The following SCN9A variants were observed in gnomAD, a reference collection of about 807,000 sequenced individuals.
The protein encoded by SCN9A is sodium voltage-gated channel alpha subunit 9, also known as sodium channel protein type 9 subunit alpha.
In SCN9A, 131 loss-of-function variants were observed where a neutral mutation model predicts 187.0. The observed-to-expected ratio is 0.70, with a 90% CI of 0.61 to 0.81. The LOEUF is 0.81. Ranked by LOEUF, SCN9A falls within the 30% of genes least tolerant of loss-of-function variation. SCN9A has a pLI of 0.00. For missense variants in SCN9A, 2,252 were observed against 2,396.6 expected, an observed-to-expected ratio of 0.94 and a Z score of 1.26; for synonymous variants, 809 against 808.6, an observed-to-expected ratio of 1.00 and a Z score of -0.01.
chr2:166,371,512 C>T (rs1700563239), intron 1 of SCN9A, among the ~76,000 whole-genome samples: 1 of 152,118 alleles, frequency 6.6e-6, no homozygotes, highest in Admixed American at 6.6e-5. Context: ...TAAGTGATAC[C>T]TTCAATGAAG....
intron 17 of SCN9A, among the ~76,000 whole-genome samples, chr2:166,254,723 C>A (rs1229003906): frequency 2.6e-5 from 4 of 151,194 alleles, no homozygotes; most frequent in Non-Finnish European, 4.4e-5. Flanking sequence ...GAAATAAATG[C>A]TTTAGTATGA....
chr2:166,349,043 G>A (rs934099588), intron 1 of SCN9A, among the ~76,000 whole-genome samples: 1 of 84,594 alleles, frequency 1.2e-5, no homozygotes, highest in Middle Eastern at 5.6e-3. Flanking sequence ...CAGGAGAATC[G>A]CTTGAACCCA....
chr2:166,308,769 A>C (rs1231314634), intron 2 of SCN9A, among the ~76,000 whole-genome samples: 1 of 151,714 alleles, frequency 6.6e-6, no homozygotes, highest in Non-Finnish European at 1.5e-5. Context: ...AAAAATACAA[A>C]AACAAAATTA....
At chr2:166,253,414 T>C (rs1181408393) in intron 17 of SCN9A, among the ~76,000 whole-genome samples, 1 of 151,802 alleles carries the variant, frequency 6.6e-6, no homozygotes, top group Non-Finnish European at 1.5e-5. Flanking sequence ...TTTAAACTGA[T>C]TGAATTCATC....
intron 1 of SCN9A, among the ~76,000 whole-genome samples, chr2:166,342,704 TA>T (rs1699814738): frequency 1.3e-5 from 2 of 152,210 alleles, no homozygotes; most frequent in Admixed American, 1.3e-4. Context: ...CATATGCATT[TA>T]AAAATATACA....
At position 166,341,291 on chromosome 2, in the gene SCN9A, G is replaced by A. The variant is rs147939855; in HGVS notation, c.-50-29485C>T. Among the ~76,000 whole-genome samples the A allele has an allele frequency of 1.1e-4, 17 of 152,268 alleles. No homozygotes were observed. In the East Asian group the frequency reaches 1.5e-3, roughly 14 times the overall value. On this transcript the variant is annotated intron_variant, in intron 1 of 26. Transcript: ENST00000642356. Reference sequence around the variant, plus strand: ...TCACAGCTCTTTCACATATAGCAATGCTCTAAAATATAAACTGCAAAGATT... The same window carrying A: ...TCACAGCTCTTTCACATATAGCAATACTCTAAAATATAAACTGCAAAGATT...
At chr2:166,238,294 T>A (rs933902238) in intron 19 of SCN9A, 27 bp from the exon 20 acceptor site, 3 of 1,413,054 alleles carry the variant, frequency 2.1e-6, no homozygotes, top group Admixed American at 2.4e-5. Context: ...CAAGTTTCAA[T>A]CATGCACAAC....
chr2:166,296,844 G>T (rs2106510329), intron 7 of SCN9A, among the ~76,000 whole-genome samples: 1 of 152,200 alleles, frequency 6.6e-6, no homozygotes, highest in African/African-American at 2.4e-5. Context: ...AAAATTGAAT[G>T]CAAAGAAAAA....
intron 7 of SCN9A, chr2:166,301,725 T>C (rs1053480025): frequency 1.2e-4 from 18 of 150,676 alleles, no homozygotes; most frequent in Non-Finnish European, 7.4e-5. Flanking sequence ...AAGTTACTCA[T>C]CAGATATATT....
chr2:166,214,722 G>A (rs1206918216), intron 24 of SCN9A, among the ~76,000 whole-genome samples: 1 of 150,954 alleles, frequency 6.6e-6, no homozygotes, highest in Non-Finnish European at 1.5e-5. Context: ...CACCGTGTTA[G>A]CCAGGATGGT....
intron 1 of SCN9A, among the ~76,000 whole-genome samples, chr2:166,333,657 G>C (rs1441270121): frequency 6.6e-6 from 1 of 151,752 alleles, no homozygotes; most frequent in Non-Finnish European, 1.5e-5. Flanking sequence ...TATTTTTCAG[G>C]ATTAGATTGC....
At chr2:166,211,331 C>T (rs551340382) in intron 24 of SCN9A, among the ~76,000 whole-genome samples, 118 of 152,140 alleles carry the variant, frequency 7.8e-4, no homozygotes, top group African/African-American at 2.5e-3. Flanking sequence ...TAAAAACTTT[C>T]TCATACAAGC....
chr2:166,336,511 A>G (rs1186126032), intron 1 of SCN9A, among the ~76,000 whole-genome samples: 1 of 152,110 alleles, frequency 6.6e-6, no homozygotes, highest in Admixed American at 6.6e-5. Context: ...TAAAGTTCCT[A>G]TAGGAATGCC....
intron 24 of SCN9A, among the ~76,000 whole-genome samples, chr2:166,225,794 C>A (rs772081761): frequency 6.6e-6 from 1 of 152,058 alleles, no homozygotes; most frequent in Non-Finnish European, 1.5e-5. Flanking sequence ...TGGCATGTCA[C>A]TATAATGGGA....
At chr2:166,308,682 G>C (rs763480814) in intron 2 of SCN9A, among the ~76,000 whole-genome samples, 3 of 152,078 alleles carry the variant, frequency 2.0e-5, no homozygotes, top group Non-Finnish European at 2.9e-5. Context: ...CAGCACTTTG[G>C]GAGGCCAAGG....
intron 1 of SCN9A, among the ~76,000 whole-genome samples, chr2:166,336,759 T>C (rs1165786500): frequency 6.6e-6 from 1 of 152,106 alleles, no homozygotes; most frequent in Non-Finnish European, 1.5e-5. Context: ...CTGTTTTCAG[T>C]TGTAATCATT....
chr2:166,233,228 G>A, intron 21 of SCN9A, 112 bp downstream of exon 21: 1 of 673,408 alleles, frequency 1.5e-6, no homozygotes, highest in Non-Finnish European at 2.3e-6. Flanking sequence ...TACATAAACA[G>A]CCTATGTATT....
At chr2:166,234,394 A>G (rs986059555) in intron 20 of SCN9A, among the ~76,000 whole-genome samples, 19 of 152,202 alleles carry the variant, frequency 1.2e-4, no homozygotes, top group African/African-American at 4.6e-4. Flanking sequence ...TAAGTTAGTG[A>G]CTGAGAGATT....
chr2:166,251,932 T>C, intron 17 of SCN9A, 47 bp from the exon 18 acceptor site: 1 of 1,602,236 alleles, frequency 6.2e-7, no homozygotes, highest in Non-Finnish European at 8.5e-7. Flanking sequence ...TTAGAGTTCA[T>C]TCAAATATGA....
Sources: gnomAD v4.1 joint callset for allele counts (sites outside exome capture counted in the v4.1 genomes callset) on GRCh38, gnomAD v4.1.1 for gene constraint, MANE v1.5 for transcripts, NCBI Gene and HGNC (gene_info 2026-07-23, HGNC 2026-07-21) for gene names.